CCDC63: variants seen among roughly 807,000 people sequenced by gnomAD.
The protein encoded by CCDC63 is coiled-coil domain-containing protein 63.
CCDC63 carries 54 observed loss-of-function variants against 63.6 expected under a neutral mutation model. The ratio of observed to expected loss-of-function variants is 0.85; its 90% CI spans 0.68 to 1.07. The LOEUF (loss-of-function observed/expected upper bound fraction) is 1.07, where lower values mean the gene tolerates loss of function less well. Ranked by LOEUF, CCDC63 falls within the 50% of genes least tolerant of loss-of-function variation. The pLI is 0.00. For synonymous variants in CCDC63, 253 were observed against 266.1 expected, an observed-to-expected ratio of 0.95 and a Z score of 0.48; for missense variants, 637 against 689.6, an observed-to-expected ratio of 0.92 and a Z score of 0.86.
At chr12:110,871,277 G>A (rs1374722284) in intron 4 of CCDC63, among the ~76,000 whole-genome samples, 1 of 152,124 alleles carries the variant, frequency 6.6e-6, no homozygotes, top group African/African-American at 2.4e-5. Context: ...AAGTAGCTGG[G>A]ACTACTGGCG....
At chr12:110,864,720 A>AG (rs1377684391) in intron 4 of CCDC63, among the ~76,000 whole-genome samples, 7 of 152,044 alleles carry the variant, frequency 4.6e-5, no homozygotes, top group African/African-American at 1.4e-4. Flanking sequence ...AAAAAAAAAA[A>AG]AGAGAAAATA....
intron 4 of CCDC63, among the ~76,000 whole-genome samples, chr12:110,859,706 G>T (rs2070827381): frequency 6.6e-6 from 1 of 152,048 alleles, no homozygotes; most frequent in African/African-American, 2.4e-5. Context: ...AGAGAAAATA[G>T]TCATGTACGT....
intron 10 of CCDC63, among the ~76,000 whole-genome samples, chr12:110,902,342 C>T (rs997668199): frequency 6.6e-6 from 1 of 152,184 alleles, no homozygotes; most frequent in African/African-American, 2.4e-5. Flanking sequence ...TTTCTGATCT[C>T]CTCTTGTCCT....
At chr12:110,858,484 A>G in intron 3 of CCDC63, 102 bp from the exon 4 acceptor site, 1 of 951,210 alleles carries the variant, frequency 1.1e-6, no homozygotes, top group Non-Finnish European at 1.5e-6. Flanking sequence ...TCAGGTGGGA[A>G]ATTCCTCTCT....
At chr12:110,902,864 C>G (rs576516725) in intron 10 of CCDC63, among the ~76,000 whole-genome samples, 4 of 149,590 alleles carry the variant, frequency 2.7e-5, no homozygotes, top group African/African-American at 7.4e-5. Flanking sequence ...ATTACAGGTG[C>G]CCGACACCAC....
chr12:110,857,589 G>T (rs1302429336), intron 3 of CCDC63, among the ~76,000 whole-genome samples: 2 of 152,170 alleles, frequency 1.3e-5, no homozygotes, highest in Non-Finnish European at 2.9e-5. Flanking sequence ...CTACTGATCC[G>T]CAAACCACAT....
chr12:110,865,623 G>A (rs1338719177), intron 4 of CCDC63, among the ~76,000 whole-genome samples: 1 of 152,198 alleles, frequency 6.6e-6, no homozygotes, highest in Non-Finnish European at 1.5e-5. Context: ...ACTAAATAGT[G>A]TTGCGGGTGA....
chr12:110,883,985 G>A, intron 7 of CCDC63, 45 bp from the exon 8 acceptor site: 1 of 1,462,464 alleles, frequency 6.8e-7, no homozygotes, highest in South Asian at 1.1e-5. Context: ...CGGATCTGAG[G>A]AGCTTCCTTT....
At chr12:110,892,437 G>GAA (rs1323494963) in intron 8 of CCDC63, among the ~76,000 whole-genome samples, 3 of 151,954 alleles carry the variant, frequency 2.0e-5, no homozygotes, top group Non-Finnish European at 4.4e-5. Flanking sequence ...AGAAAAAAAA[G>GAA]AAAAATTAGT....
upstream of CCDC63, chr12:110,845,705 G>T (rs1313122419): frequency 1.3e-5 from 2 of 151,884 alleles, no homozygotes; most frequent in East Asian, 3.9e-4. Flanking sequence ...CAACATTAGG[G>T]GCAACATACT....
intron 4 of CCDC63, among the ~76,000 whole-genome samples, chr12:110,867,300 G>A (rs2070974376): frequency 4.6e-5 from 5 of 107,750 alleles, no homozygotes; most frequent in African/African-American, 7.5e-5. Flanking sequence ...AGGGGCGGCC[G>A]GGCAGAGGCG....
chr12:110,873,790 A>G (rs2071095128), intron 4 of CCDC63, 52 bp from the exon 5 acceptor site: 3 of 1,601,264 alleles, frequency 1.9e-6, no homozygotes, highest in Admixed American at 3.4e-5. Context: ...TAGAACGGGT[A>G]CCCATACAGA....
chr12:110,854,255 CTTTTTT>C (rs59793950), intron 3 of CCDC63, among the ~76,000 whole-genome samples: 20 of 106,750 alleles, frequency 1.9e-4, no homozygotes, highest in African/African-American at 5.3e-4. Context: ...CATTTCTTTT[CTTTTTT>C]TTTTTTTTTT....
intron 9 of CCDC63, among the ~76,000 whole-genome samples, chr12:110,893,352 T>A (rs11065751): frequency 0.064 from 9,774 of 152,220 alleles, 434 homozygotes; most frequent in East Asian, 0.21. Flanking sequence ...TCTGCTACAA[T>A]GTCATTGTGG....
intron 10 of CCDC63, among the ~76,000 whole-genome samples, chr12:110,901,918 C>A (rs1407619794): frequency 6.6e-6 from 1 of 152,072 alleles, no homozygotes; most frequent in Non-Finnish European, 1.5e-5. Context: ...GCAACCTCTG[C>A]CTCCTGGGTT....
At chr12:110,884,852 ATTTTTTTTT>A (rs34391026) in intron 8 of CCDC63, among the ~76,000 whole-genome samples, 1 of 130,708 alleles carries the variant, frequency 7.7e-6, no homozygotes, top group African/African-American at 2.9e-5. Context: ...ACGCCCTGCT[ATTTTTTTTT>A]TTTTTTTTTG....
chr12:110,884,310 G>A, intron 8 of CCDC63, 60 bp downstream of exon 8: 1 of 1,396,132 alleles, frequency 7.2e-7, no homozygotes, highest in Non-Finnish European at 1.0e-6. Flanking sequence ...GCCTTTCCAG[G>A]GCAGTCTCCT....
At chr12:110,899,500 T>G (rs1300214781) in intron 10 of CCDC63, among the ~76,000 whole-genome samples, 1 of 151,948 alleles carries the variant, frequency 6.6e-6, no homozygotes, top group Non-Finnish European at 1.5e-5. Context: ...TTGTATTTTT[T>G]GTAGAGACAG....
intron 8 of CCDC63, among the ~76,000 whole-genome samples, chr12:110,888,658 T>TATCTGGAAAGCAA (rs2071315211): frequency 6.6e-6 from 1 of 152,196 alleles, no homozygotes. Flanking sequence ...ATGCTCACTG[T>TATCTGGAAAGCAA]AGAGAATCTG....
Sources: gnomAD v4.1 joint callset for allele counts (sites outside exome capture counted in the v4.1 genomes callset) on GRCh38, gnomAD v4.1.1 for gene constraint, MANE v1.5 for transcripts, NCBI Gene and HGNC (gene_info 2026-07-23, HGNC 2026-07-21) for gene names.